The following TTYH1 variants were observed in gnomAD, a reference collection of about 807,000 sequenced individuals.
The protein encoded by TTYH1 is protein tweety homolog 1.
A neutral mutation model predicts 61.2 loss-of-function variants in TTYH1; 33 were observed. The ratio of observed to expected loss-of-function variants is 0.54; its 90% CI spans 0.41 to 0.72. The LOEUF (loss-of-function observed/expected upper bound fraction) is 0.72, where lower values mean the gene tolerates loss of function less well. Among genes scored for constraint, TTYH1 ranks in the 30% least tolerant of loss-of-function variants. TTYH1 has a pLI of 0.00. For synonymous variants in TTYH1, 308 were observed against 266.4 expected (o/e 1.16, Z -1.52); for missense variants, 538 against 575.8 (o/e 0.93, Z 0.67).
rs771338709 is a variant in TTYH1 at position 54,436,221 on chromosome 19, C to T, written c.*42+50C>T. On this transcript the variant is annotated intron_variant, in intron 13 of 13. Transcript: ENST00000376530. This position sits in a 1 kb window ranked among gnomAD's most constrained non-coding sequence, Gnocchi z 4.3. ...CTCCTGCAGCCGGGCCTCTGCCCCC[C>T]TCCCGCCCTCCGAGCTGCTCCAGGC... 2.2e-5 allele frequency: 36 copies of T among 1,607,226 alleles called. No homozygotes were observed. Among genetic ancestry groups the T allele is most frequent in the South Asian group, 2.1e-4 (19 of 90,748 alleles).
chr19:54,419,368 T>C lies in TTYH1; in HGVS notation c.305+62T>C. On this transcript the variant is annotated intron_variant, in intron 2 of 13. Transcript: ENST00000376530. This position sits in a 1 kb window ranked among gnomAD's most constrained non-coding sequence, Gnocchi z 6.1. ...GGGCTCCCCAAGCTCTTTGCTGGCC[T>C]TCCTGGGGGTGTCCTCCGGGGACAT... 1 of 1,508,494 alleles carries C rather than the reference T, an allele frequency of 6.6e-7. No homozygotes were observed. Among genetic ancestry groups the C allele is most frequent in the Non-Finnish European group, 9.0e-7 (1 of 1,115,512 alleles). 93.4% of individuals were successfully genotyped at this position (1,508,494 alleles called of 1,614,324 possible).
In TTYH1 at chr19:54,431,161, G is replaced by A; in HGVS notation, c.1095G>A (p.Val365=). 1.9e-6 allele frequency: 3 copies of A among 1,613,914 alleles called. No homozygotes were observed. Among genetic ancestry groups the A allele is most frequent in the Non-Finnish European group, 2.5e-6 (3 of 1,179,876 alleles). ...CAGAAGGAAATTTCCACCAGTTGGT[G>A]GCACTGCTACACTGCCGCAGCCTGC... The part of the protein sequence containing the change: ...NVTEGNFHQL[V]ALLHCRSLHK... Residue 365 remains valine, a synonymous_variant, in exon 10 of 14, where the codon GTG becomes GTA. Coordinates refer to ENST00000376530, the MANE Select transcript of TTYH1 (RefSeq NM_020659.4).
chr19:54,436,520 G>A lies in TTYH1; in HGVS notation c.*230G>A, dbSNP rs1369700045. The A allele has an allele frequency of 1.2e-6, 1 of 838,450 alleles. No homozygotes were observed. Among genetic ancestry groups the A allele is most frequent in the Non-Finnish European group, 1.9e-6 (1 of 519,572 alleles). 51.9% of individuals were successfully genotyped at this position (838,450 alleles called of 1,614,324 possible). Reference sequence around the variant, plus strand: ...CTAGGGAGTAGGGCTGGCAGGGGAGGGGGCAGACAGCCTCGCCTCGCACCC... The same window carrying A: ...CTAGGGAGTAGGGCTGGCAGGGGAGAGGGCAGACAGCCTCGCCTCGCACCC... On this transcript the variant is annotated 3_prime_UTR_variant, in exon 14 of 14. Coordinates refer to ENST00000376530, the MANE Select transcript of TTYH1 (RefSeq NM_020659.4). The surrounding 1 kb of genome is among the most constrained non-coding windows in gnomAD (Gnocchi z 4.3).
In TTYH1 at chr19:54,419,053, AG is replaced by A. The variant is rs2083147621; in HGVS notation, c.127-74del. 1.4e-6 allele frequency: 2 copies of A among 1,442,734 alleles called. No homozygotes were observed. Among genetic ancestry groups the A allele is most frequent in the East Asian group, 4.7e-5 (2 of 42,794 alleles). The allele number at this position is 1,442,734 out of a possible 1,614,324, so 89.4% of individuals were successfully genotyped here. ...CTGACATCCCAGACCCCGACCCCCC[AG>A]CCACGCAGGAAGGGGGATCTGAGTG... On this transcript the variant is annotated intron_variant, in intron 1 of 13. Transcript: ENST00000376530. The surrounding 1 kb of genome is among the most constrained non-coding windows in gnomAD (Gnocchi z 6.1).
At position 54,430,817 on chromosome 19, in the gene TTYH1, T is replaced by C. The variant is rs1484749799; in HGVS notation, c.944T>C (p.Leu315Pro). Residue 315 changes from leucine to proline, a missense_variant, in exon 9 of 14, where the codon CTG (leucine) becomes CCG (proline). Coordinates refer to ENST00000376530, the MANE Select transcript of TTYH1 (RefSeq NM_020659.4). ...CCTCCCTTTCTCTTTCTGCAGAGGCTGACTCTGTCCCAGCGAGCTCTGGCC... is the reference window on the plus strand; with the variant it reads ...CCTCCCTTTCTCTTTCTGCAGAGGCCGACTCTGTCCCAGCGAGCTCTGGCC... Reference protein sequence around the residue: ...RAVSNPFQQRLTLSQRALANI... With the variant: ...RAVSNPFQQRPTLSQRALANI... 1 of 1,613,832 alleles carries C rather than the reference T, an allele frequency of 6.2e-7. No homozygotes were observed. Among genetic ancestry groups the C allele is most frequent in the Non-Finnish European group, 8.5e-7 (1 of 1,179,896 alleles).
In TTYH1 at chr19:54,430,599, C is replaced by A; in HGVS notation, c.933C>A (p.Phe311Leu). 6.2e-7 allele frequency: 1 copy of A among 1,613,984 alleles called. No individual in the cohort carries two copies. ...GCAACCGGGCCGTCTCCAACCCCTT[C>A]CAACAGGTTAGGGCTGCGGGCAGGG... The part of the protein sequence containing the change: ...LLCNRAVSNP[F>L]QQRLTLSQRA... Residue 311 changes from phenylalanine to leucine, a missense_variant, in exon 8 of 14, where the codon TTC becomes TTA. Around this residue, in one of 3 missense-constraint regions of TTYH1, gnomAD observed 378 missense variants for 401.2 expected, o/e 0.94. Transcript: ENST00000376530.
At position 54,419,301 on chromosome 19, in the gene TTYH1, C is replaced by T. The variant is rs780000024; in HGVS notation, c.300C>T (p.Ala100=). ...VTWSCIVALL[A]GCTGIGIGFY... ...GGAGCTGCATTGTCGCCCTTCTCGC[C>T]GGCTGGTAATGGGGCCCCAGGGTGG... The change falls in exon 2 of 14, where the codon GCC becomes GCT. Residue 100 remains alanine, a synonymous_variant. Coordinates refer to ENST00000376530, the MANE Select transcript of TTYH1 (RefSeq NM_020659.4). The surrounding 1 kb of genome is among the most constrained non-coding windows in gnomAD (Gnocchi z 6.1). 26 of 1,448,270 alleles carry T rather than the reference C, an allele frequency of 1.8e-5. No individual in the cohort carries two copies. The highest frequency in any genetic ancestry group is 1.6e-4 in the Admixed American group (9 of 55,684). 89.7% of individuals were successfully genotyped at this position (1,448,270 alleles called of 1,614,324 possible).
rs888792293 is a variant in TTYH1, at chr19:54,426,388, G to A, written c.639-285G>A. ...GGGGAGCTCGGAGAGAACACATCAC[G>A]TGTCCCTGGTCACAGGGCACATGTG... On this transcript the variant is annotated intron_variant, in intron 4 of 13. Transcript: ENST00000376530. 33 of 471,422 alleles carry A rather than the reference G, an allele frequency of 7.0e-5. 1 individual carries two copies. Among genetic ancestry groups the A allele is most frequent in the South Asian group, 1.6e-4 (5 of 30,386 alleles). The allele number at this position is 471,422 out of a possible 1,614,324, so 29.2% of individuals were successfully genotyped here. A position where few individuals can be genotyped will look rare whatever the true frequency, so the allele number is the denominator to read the frequency against.
intron 4 of TTYH1, among the ~76,000 whole-genome samples, chr19:54,424,854 C>A (rs57019089): frequency 0.3 from 45,505 of 151,808 alleles, 7,768 homozygotes; most frequent in East Asian, 0.52. Context: ...GGAGGATTAA[C>A]TGAGCACTTA....
intron 10 of TTYH1, chr19:54,431,809 A>C (rs2083450888): frequency 6.5e-6 from 1 of 152,740 alleles, no homozygotes; most frequent in Non-Finnish European, 1.5e-5. Flanking sequence ...GGCCATAGGC[A>C]GGTGAGCGTG....
At chr19:54,428,062 C>G (rs1299729016) in intron 5 of TTYH1, among the ~76,000 whole-genome samples, 1 of 150,810 alleles carries the variant, frequency 6.6e-6, no homozygotes, top group Non-Finnish European at 1.5e-5. Context: ...TGGGCTTATG[C>G]CACCACTCCC....
Position 54,436,111 on chromosome 19 carries a change from G to A in TTYH1, c.1335G>A (p.Gln445=), listed in dbSNP as rs372566405. ...FNPQESKRFV[Q]WQSSI is the part of the protein sequence containing the mutation. ...AGCAGGAATCCAAGCGCTTTGTGCAGTGGCAGTCGTCTATCTGAGCCCCTC... is the reference window on the plus strand; with the variant it reads ...AGCAGGAATCCAAGCGCTTTGTGCAATGGCAGTCGTCTATCTGAGCCCCTC... Residue 445 remains glutamine (Q), a synonymous_variant, in exon 13 of 14, where the codon CAG becomes CAA. Transcript: ENST00000376530. The surrounding 1 kb of genome is among the most constrained non-coding windows in gnomAD (Gnocchi z 4.3). The A allele has an allele frequency of 1.2e-6, 2 of 1,614,026 alleles. No homozygotes were observed. Among genetic ancestry groups the A allele is most frequent in the Non-Finnish European group, 1.7e-6 (2 of 1,180,010 alleles).
Position 54,429,817 on chromosome 19 carries a change from G to A in TTYH1, c.808-65G>A. 1.4e-6 allele frequency: 2 copies of A among 1,432,078 alleles called. No homozygotes were observed. The highest frequency in any genetic ancestry group is 2.0e-6 in the Non-Finnish European group (2 of 1,021,146). The allele number at this position is 1,432,078 out of a possible 1,614,324, so 88.7% of individuals were successfully genotyped here. Reference sequence around the variant, plus strand: ...GGGGAGCTGGGGAGCCAGGCACTGGGTGCTGTGGGAGTGTGGAATCGGGGC... The same window carrying A: ...GGGGAGCTGGGGAGCCAGGCACTGGATGCTGTGGGAGTGTGGAATCGGGGC... On this transcript the variant is annotated intron_variant, in intron 6 of 13. Transcript: ENST00000376530. The surrounding 1 kb of genome is among the most constrained non-coding windows in gnomAD (Gnocchi z 5.1).
rs1388110099 is a variant in TTYH1 at position 54,429,011 on chromosome 19, AG to A, written c.735-294del. ...GAGCCTTCGGGGGAAGTGAGCCCAGAGGTGAGCAGTCACCGTCCCAGGGTCC... is the reference window on the plus strand; with the variant it reads ...GAGCCTTCGGGGGAAGTGAGCCCAGAGTGAGCAGTCACCGTCCCAGGGTCC... On this transcript the variant is annotated intron_variant, in intron 5 of 13. Transcript: ENST00000376530. The surrounding 1 kb of genome is among the most constrained non-coding windows in gnomAD (Gnocchi z 5.1). Among the ~76,000 whole-genome samples, 1 of 152,132 alleles carries A rather than the reference AG, an allele frequency of 6.6e-6. No individual in the cohort carries two copies. The highest frequency in any genetic ancestry group is 1.5e-5 in the Non-Finnish European group (1 of 68,010).
At chr19:54,430,100 AG>A in intron 7 of TTYH1, 143 bp downstream of exon 7, 1 of 723,142 alleles carries the variant, frequency 1.4e-6, no homozygotes, top group Non-Finnish European at 2.3e-6. Flanking sequence ...GAAGGGAAGC[AG>A]GGCTCCTGGC....
In TTYH1 at chr19:54,415,532, C is replaced by A; in HGVS notation, c.-21C>A. The A allele has an allele frequency of 2.1e-6, 3 of 1,436,182 alleles. No homozygotes were observed. Among genetic ancestry groups the A allele is most frequent in the Non-Finnish European group, 2.7e-6 (3 of 1,098,660 alleles). The allele number at this position is 1,436,182 out of a possible 1,614,324, so 89.0% of individuals were successfully genotyped here. On this transcript the variant is annotated 5_prime_UTR_variant, in exon 1 of 14. The change creates a new upstream start codon in the 5' untranslated region. Coordinates refer to ENST00000376530, the MANE Select transcript of TTYH1 (RefSeq NM_020659.4). This position sits in a 1 kb window ranked among gnomAD's most constrained non-coding sequence, Gnocchi z 5.2. ...TCCCGCAGCCCCGGCGTCCGCCCCG[C>A]TGCCCCCTCCCCCGGGGGCCATGGG...
At position 54,436,256 on chromosome 19, in the gene TTYH1, G is replaced by A. The variant is rs575301777; in HGVS notation, c.*43-77G>A. 1.9e-5 allele frequency: 31 copies of A among 1,608,208 alleles called. No homozygotes were observed. The Middle Eastern group carries it at 5.0e-4, about 26-fold the overall frequency. ...CCGAGCTGCTCCAGGCATGGGCTGC[G>A]TGCCTCCTGCTGGGTGGATCGCACC... On this transcript the variant is annotated intron_variant, in intron 13 of 13. Coordinates refer to ENST00000376530, the MANE Select transcript of TTYH1 (RefSeq NM_020659.4). This position sits in a 1 kb window ranked among gnomAD's most constrained non-coding sequence, Gnocchi z 4.3.
chr19:54,430,985 C>A (rs2083428945), intron 9 of TTYH1, 80 bp downstream of exon 9: 1 of 1,187,116 alleles, frequency 8.4e-7, no homozygotes, highest in Non-Finnish European at 1.1e-6. Context: ...GGGGCGTAGG[C>A]GGGGCTGCAG....
rs1021889362 is a variant in TTYH1 at position 54,430,587 on chromosome 19, C to T, written c.921C>T (p.Val307=). ...ATTATCTCCTCTGCAACCGGGCCGT[C>T]TCCAACCCCTTCCAACAGGTTAGGG... ...LSYYLLCNRA[V]SNPFQQRLTL... The change falls in exon 8 of 14, where the codon GTC becomes GTT. Residue 307 remains valine (V), a synonymous_variant. Transcript: ENST00000376530. 1 of 1,613,976 alleles carries T rather than the reference C, an allele frequency of 6.2e-7. No individual in the cohort carries two copies. The highest frequency in any genetic ancestry group is 8.5e-7 in the Non-Finnish European group (1 of 1,179,976).
Sources: allele counts gnomAD v4.1 joint callset (sites outside exome capture counted in the v4.1 genomes callset), GRCh38; gene constraint gnomAD v4.1.1; regional missense constraint gnomAD v4.1.1; non-coding constraint Gnocchi (gnomAD v3.1); transcripts MANE v1.5; gene names NCBI Gene and HGNC (gene_info 2026-07-23, HGNC 2026-07-21).